The following YES1 variants were observed in gnomAD, a reference collection of about 807,000 sequenced individuals.
YES1 encodes YES proto-oncogene 1, Src family tyrosine kinase.
Under a neutral mutation model 70.4 loss-of-function variants are expected in YES1, and 39 were observed. That is an observed-to-expected ratio of 0.55 (90% CI 0.43 to 0.72). The LOEUF is 0.72. YES1 is among the 30% of genes least tolerant of loss of function. The pLI is 0.00. For missense variants in YES1, 495 were observed against 644.8 expected (o/e 0.77, Z 2.52); for synonymous variants, 198 against 218.6 (o/e 0.91, Z 0.83).
chr18:737,161 A>C (rs1432410229), intron 9 of YES1, 200 bp from the exon 10 acceptor site: 2 of 522,808 alleles, frequency 3.8e-6, no homozygotes, highest in African/African-American at 3.9e-5. Flanking sequence ...GATTTCAAAA[A>C]TCTAACACTG....
At chr18:803,217 AGAGT>A (rs1434919950) in intron 1 of YES1, among the ~76,000 whole-genome samples, 1 of 152,252 alleles carries the variant, frequency 6.6e-6, no homozygotes, top group East Asian at 1.9e-4. Context: ...CCTGGGTGTC[AGAGT>A]GAGACTCCGT....
At chr18:727,877 GCTGT>G (rs1367364414) in intron 11 of YES1, among the ~76,000 whole-genome samples, 3 of 152,116 alleles carry the variant, frequency 2.0e-5, no homozygotes, top group Non-Finnish European at 4.4e-5. Flanking sequence ...GGAAAAGTTA[GCTGT>G]CTGACTGTTG....
At chr18:745,890 T>G in intron 5 of YES1, 33 bp from the exon 6 acceptor site, 6 of 1,606,914 alleles carry the variant, frequency 3.7e-6, no homozygotes, top group Non-Finnish European at 5.1e-6. Context: ...CACTATATCT[T>G]TCTCAAAATA....
intron 1 of YES1, among the ~76,000 whole-genome samples, chr18:802,492 G>A (rs558441423): frequency 6.7e-6 from 1 of 149,862 alleles, no homozygotes; most frequent in South Asian, 2.1e-4. Context: ...TGCAGTGAGC[G>A]GAGACCACAC....
intron 3 of YES1, among the ~76,000 whole-genome samples, chr18:748,520 A>C (rs1280902561): frequency 6.6e-6 from 1 of 152,120 alleles, no homozygotes; most frequent in East Asian, 1.9e-4. Context: ...GAAACTCTGT[A>C]CCCATTAGCA....
At chr18:768,489 A>G (rs1160790806) in intron 1 of YES1, among the ~76,000 whole-genome samples, 1 of 152,030 alleles carries the variant, frequency 6.6e-6, no homozygotes, top group East Asian at 1.9e-4. Context: ...GTCTTGTCCA[A>G]TTTTTGTACA....
intron 1 of YES1, among the ~76,000 whole-genome samples, chr18:779,908 CTT>C (rs1204936148): frequency 1.4e-5 from 2 of 142,582 alleles, no homozygotes; most frequent in Non-Finnish European, 1.5e-5. Flanking sequence ...GTATGTAGTC[CTT>C]TTTTTTTTTT....
intron 1 of YES1, among the ~76,000 whole-genome samples, chr18:807,227 G>C (rs774362942): frequency 2.6e-5 from 4 of 151,858 alleles, no homozygotes; most frequent in African/African-American, 9.7e-5. Context: ...CCAGCTACTC[G>C]GGAGGCTGAG....
intron 1 of YES1, among the ~76,000 whole-genome samples, chr18:796,694 G>T (rs765645233): frequency 3.3e-4 from 50 of 152,118 alleles, no homozygotes; most frequent in South Asian, 2.1e-4. Context: ...GGAGGTGGAG[G>T]TTACAGTGAG....
At chr18:793,300 A>G (rs1472375214) in intron 1 of YES1, among the ~76,000 whole-genome samples, 1 of 152,052 alleles carries the variant, frequency 6.6e-6, no homozygotes, top group Admixed American at 6.6e-5. Context: ...CGGCCTCCCA[A>G]AGTGCTGGGA....
intron 1 of YES1, among the ~76,000 whole-genome samples, chr18:780,605 G>C (rs1422029827): frequency 2.0e-5 from 3 of 152,122 alleles, no homozygotes; most frequent in African/African-American, 7.2e-5. Context: ...AAATTAGCCA[G>C]TTTCAAGTAT....
chr18:729,839 C>G (rs186987790), intron 11 of YES1, among the ~76,000 whole-genome samples: 1 of 152,070 alleles, frequency 6.6e-6, no homozygotes, highest in Non-Finnish European at 1.5e-5. Flanking sequence ...CTTGGCCAGG[C>G]TGGTCTCAAA....
chr18:812,534 A>C (rs1458142232), upstream of YES1: 1 of 152,202 alleles, frequency 6.6e-6, no homozygotes, highest in Non-Finnish European at 1.5e-5. Context: ...GGTCCGTGTC[A>C]CTTCTCCCGA....
At chr18:754,287 G>T (rs2080378411) in intron 2 of YES1, among the ~76,000 whole-genome samples, 1 of 152,036 alleles carries the variant, frequency 6.6e-6, no homozygotes, top group Admixed American at 6.6e-5. Context: ...GTTTATACTA[G>T]TCTCCACACT....
Position 747,959 on chromosome 18 carries a change from C to T in YES1, c.431G>A (p.Ser144Asn). 1 of 1,613,824 alleles carries T rather than the reference C, an allele frequency of 6.2e-7. No homozygotes were observed. The highest frequency in any genetic ancestry group is 1.1e-5 in the South Asian group (1 of 91,074). The change falls in exon 4 of 12, where the codon AGC (serine) becomes AAC (asparagine). Residue 144 changes from serine to asparagine, a missense_variant. By Grantham distance (46) the Ser-to-Asn change is conservative (BLOSUM62 1). Coordinates refer to ENST00000314574, the MANE Select transcript of YES1 (RefSeq NM_005433.4). ...IATGKNGYIP[S>N]NYVAPADSIQ... ...GGAATCTGCAGGCGCTACATAATTGCTCGGGATATAACCATTCTTTCCTGT... is the reference window on the plus strand; with the variant it reads ...GGAATCTGCAGGCGCTACATAATTGTTCGGGATATAACCATTCTTTCCTGT...
chr18:735,286 T>C (rs1275826614), intron 10 of YES1, among the ~76,000 whole-genome samples: 1 of 151,880 alleles, frequency 6.6e-6, no homozygotes, highest in East Asian at 1.9e-4. Flanking sequence ...AAAAAAAATG[T>C]GGCATATATA....
At chr18:777,664 A>G (rs1425286291) in intron 1 of YES1, among the ~76,000 whole-genome samples, 1 of 151,922 alleles carries the variant, frequency 6.6e-6, no homozygotes, top group African/African-American at 2.4e-5. Flanking sequence ...AAAATCAGCC[A>G]GGCATGGTGG....
Position 756,823 on chromosome 18 carries a change from C to G in YES1, c.5G>C (p.Gly2Ala), listed in dbSNP as rs1331800424. ...TTTGTTTTCTTTACTTTTAATGCAG[C>G]CCATTATCAAATCTACAGAGACAAT... MGCIKSKENKSP... is the reference protein window; with the variant it reads MACIKSKENKSP... The change falls in exon 2 of 12, where the codon GGC becomes GCC. Residue 2 changes from glycine to alanine, a missense_variant. Gly to Ala is a moderately conservative substitution (Grantham distance 60, BLOSUM62 0). Transcript: ENST00000314574. 2 of 1,612,680 alleles carry G rather than the reference C, an allele frequency of 1.2e-6. No individual in the cohort carries two copies. The highest frequency in any genetic ancestry group is 1.7e-6 in the Non-Finnish European group (2 of 1,179,326).
chr18:760,328 C>T (rs1329470860), intron 1 of YES1, among the ~76,000 whole-genome samples: 3 of 151,966 alleles, frequency 2.0e-5, no homozygotes, highest in East Asian at 3.9e-4. Context: ...AAGTTAGCCA[C>T]GTGTGGTGGT....
Sources: allele counts gnomAD v4.1 joint callset (sites outside exome capture counted in the v4.1 genomes callset), GRCh38; gene constraint gnomAD v4.1.1; transcripts MANE v1.5; gene names NCBI Gene and HGNC (gene_info 2026-07-23, HGNC 2026-07-21).